Variants in TIAM2 observed in about 807,000 individuals in gnomAD.
TIAM2 encodes the protein rho guanine nucleotide exchange factor TIAM2.
A neutral mutation model predicts 152.9 loss-of-function variants in TIAM2; 80 were observed. The ratio of observed to expected loss-of-function variants is 0.52; its 90% CI spans 0.44 to 0.63. The LOEUF (loss-of-function observed/expected upper bound fraction) is 0.63. Ranked by LOEUF, TIAM2 falls within the 30% of genes least tolerant of loss-of-function variation. The pLI, the probability that TIAM2 is intolerant of heterozygous loss-of-function variation, is 0.00. For synonymous variants in TIAM2, 804 were observed against 838.0 expected (o/e 0.96, Z 0.70); for missense variants, 1,965 against 2,120.1 (o/e 0.93, Z 1.44).
At chr6:155,171,944 G>A (rs1218319894) in intron 9 of TIAM2, among the ~76,000 whole-genome samples, 1 of 152,108 alleles carries the variant, frequency 6.6e-6, no homozygotes, top group African/African-American at 2.4e-5. Flanking sequence ...ATTTGTGACA[G>A]CCAGATTGTG....
intron 1 of TIAM2, among the ~76,000 whole-genome samples, chr6:155,024,881 C>T (rs9397765): frequency 0.14 from 20,667 of 152,118 alleles, 1,698 homozygotes; most frequent in East Asian, 0.31. Context: ...GTCAGCACTC[C>T]TGCTCTAGAT....
chr6:155,181,745 C>G (rs547244381), intron 12 of TIAM2, among the ~76,000 whole-genome samples: 4 of 152,338 alleles, frequency 2.6e-5, no homozygotes, highest in African/African-American at 9.6e-5. Flanking sequence ...GTTGACTGCT[C>G]TAGCTACTCA....
intron 1 of TIAM2, among the ~76,000 whole-genome samples, chr6:155,071,489 A>G (rs950545373): frequency 6.6e-6 from 1 of 152,240 alleles, no homozygotes; most frequent in Non-Finnish European, 1.5e-5. Context: ...AGCTGAGCAA[A>G]GACTCATTGA....
At chr6:155,085,446 C>T (rs899329798) in intron 1 of TIAM2, among the ~76,000 whole-genome samples, 16 of 152,060 alleles carry the variant, frequency 1.1e-4, no homozygotes, top group Admixed American at 6.6e-4. Context: ...TGGGCTTGCA[C>T]ACTGGTTCAC....
intron 1 of TIAM2, among the ~76,000 whole-genome samples, chr6:155,035,393 G>A (rs1264805646): frequency 1.3e-5 from 2 of 151,914 alleles, no homozygotes; most frequent in Non-Finnish European, 2.9e-5. Context: ...GCTAATTTTT[G>A]TATTTTTAGT....
intron 1 of TIAM2, among the ~76,000 whole-genome samples, chr6:155,007,658 A>G (rs987833860): frequency 2.6e-5 from 4 of 152,210 alleles, no homozygotes; most frequent in African/African-American, 9.6e-5. Context: ...TCTCTTCAAT[A>G]AAGGCCATTT....
Position 155,113,086 on chromosome 6 carries a change from A to G in TIAM2, c.-117-14404A>G, listed in dbSNP as rs564765623. Among the ~76,000 whole-genome samples the G allele has an allele frequency of 2.0e-3, 308 of 152,172 alleles. 1 individual carries two copies. The highest frequency in any genetic ancestry group is 3.6e-3 in the Non-Finnish European group (247 of 67,992). ...CCTCTAATTATGACTTTTTTTCTCA[A>G]GGTGAAAGCCAAAGTCCTTAAACTG... On this transcript the variant is annotated intron_variant, in intron 2 of 26. Transcript: ENST00000682666.
chr6:155,108,688 T>C (rs2115003195), intron 2 of TIAM2, among the ~76,000 whole-genome samples: 1 of 152,238 alleles, frequency 6.6e-6, no homozygotes, highest in Non-Finnish European at 1.5e-5. Flanking sequence ...TGTGAAGAGA[T>C]TAGTTTTCCA....
At chr6:155,247,945 G>A (rs969926701) in intron 19 of TIAM2, 55 bp from the exon 20 acceptor site, 2 of 1,548,336 alleles carry the variant, frequency 1.3e-6, no homozygotes, top group Non-Finnish European at 1.8e-6. Flanking sequence ...GAGAAATGAA[G>A]AATTTAATTC....
chr6:155,137,192 G>C lies in TIAM2; in HGVS notation c.1210G>C (p.Glu404Gln). ...KRKLQEPRSK[E>Q]GSDYFDSRSD... ...TTTCTCACAGGAGCCGAGGTCCAAG[G>C]AGGGCAGTGACTACTTTGACAGTCG... The change falls in exon 5 of 27, where the codon GAG becomes CAG. Residue 404 changes from glutamate to glutamine, a missense_variant. Glu to Gln is a conservative substitution (Grantham distance 29). This residue lies in a region of TIAM2 where 1,025 missense variants were observed against 1,119.4 expected (regional missense o/e 0.92). Transcript: ENST00000682666. 6.2e-7 allele frequency: 1 copy of C among 1,612,994 alleles called. No homozygotes were observed. Among genetic ancestry groups the C allele is most frequent in the Non-Finnish European group, 8.5e-7 (1 of 1,178,992 alleles).
intron 9 of TIAM2, among the ~76,000 whole-genome samples, chr6:155,172,103 A>G (rs1335665684): frequency 6.6e-6 from 1 of 152,172 alleles, no homozygotes; most frequent in Non-Finnish European, 1.5e-5. Context: ...TTTCAGGACC[A>G]TTGATGTAAT....
At chr6:155,238,622 C>T (rs1255962223) in intron 15 of TIAM2, among the ~76,000 whole-genome samples, 1 of 152,244 alleles carries the variant, frequency 6.6e-6, no homozygotes, top group Non-Finnish European at 1.5e-5. Context: ...TCTGGTTCTC[C>T]CTTGGAGCAG....
intron 15 of TIAM2, among the ~76,000 whole-genome samples, chr6:155,216,223 G>A (rs1458197897): frequency 6.6e-6 from 1 of 152,096 alleles, no homozygotes; most frequent in Non-Finnish European, 1.5e-5. Context: ...GTCCTCAGAA[G>A]GTGGTCTCTT....
chr6:155,240,251 G>A (rs2115307531), intron 15 of TIAM2, among the ~76,000 whole-genome samples: 1 of 152,362 alleles, frequency 6.6e-6, no homozygotes, highest in East Asian at 1.9e-4. Context: ...CCTAGGCAAT[G>A]ACTCTGTAAT....
Position 155,253,064 on chromosome 6 carries a change from C to T in TIAM2, c.4225+11C>T, listed in dbSNP as rs2989458. On this transcript the variant is annotated intron_variant, in intron 24 of 26. Transcript: ENST00000682666. The stretch of plus-strand genomic sequence containing the variant: ...TGGGGAATCCAGCAGGTAACTGTTT[C>T]GTGCAGTATGATGCCAGAAAAAGCA... The T allele has an allele frequency of 0.37, 589,844 of 1,609,318 alleles. 114,068 individuals carry two copies. The highest frequency in any genetic ancestry group is 0.49 in the Middle Eastern group (2,941 of 6,052).
At chr6:155,117,811 G>A (rs991268180) in intron 2 of TIAM2, among the ~76,000 whole-genome samples, 3 of 152,184 alleles carry the variant, frequency 2.0e-5, no homozygotes, top group Admixed American at 2.0e-4. Context: ...CCAGGCACAA[G>A]CTGATGAGCT....
chr6:155,161,094 C>T (rs1780256879), intron 7 of TIAM2, among the ~76,000 whole-genome samples: 1 of 152,278 alleles, frequency 6.6e-6, no homozygotes, highest in East Asian at 1.9e-4. Flanking sequence ...TATTTTGTCC[C>T]AAGATTTGGG....
At chr6:155,120,162 C>A (rs1779117363) in intron 2 of TIAM2, among the ~76,000 whole-genome samples, 2 of 152,192 alleles carry the variant, frequency 1.3e-5, no homozygotes, top group African/African-American at 4.8e-5. Flanking sequence ...TTATGACTTT[C>A]CCGCTTGTTG....
chr6:155,029,742 C>CTATATATA (rs60980296), intron 1 of TIAM2, among the ~76,000 whole-genome samples: 21 of 126,582 alleles, frequency 1.7e-4, no homozygotes, highest in African/African-American at 5.5e-4. Context: ...TAGTATATAA[C>CTATATATA]TATATATATA....
Sources: gnomAD v4.1 joint callset for allele counts (sites outside exome capture counted in the v4.1 genomes callset) on GRCh38, gnomAD v4.1.1 for gene constraint, gnomAD v4.1.1 regional missense constraint, MANE v1.5 for transcripts, NCBI Gene and HGNC (gene_info 2026-07-23, HGNC 2026-07-21) for gene names.